Variants in LPL observed in about 807,000 individuals in gnomAD.
The protein encoded by LPL is lipoprotein lipase, also known as phospholipase A1.
LPL carries 43 observed loss-of-function variants against 52.2 expected under a neutral mutation model. The observed-to-expected ratio is 0.82, with a 90% CI of 0.64 to 1.06. The LOEUF (loss-of-function observed/expected upper bound fraction) is 1.06. LPL is among the 50% of genes least tolerant of loss of function. The pLI is 0.00. For synonymous variants in LPL, 244 were observed against 215.6 expected (o/e 1.13, Z -1.15); for missense variants, 639 against 585.3 (o/e 1.09, Z -0.95).
rs559582086 is a variant in LPL, at chr8:19,961,989, G to A, written c.1323-126G>A. 45 of 732,112 alleles carry A rather than the reference G, an allele frequency of 6.1e-5. No homozygotes were observed. In the African/African-American group the frequency reaches 6.5e-4, roughly 11 times the overall value. 45.4% of individuals were successfully genotyped at this position (732,112 alleles called of 1,614,324 possible). A position where few individuals can be genotyped will look rare whatever the true frequency, so the allele number is the denominator to read the frequency against. On this transcript the variant is annotated intron_variant, in intron 8 of 9. Coordinates refer to ENST00000650287, the MANE Select transcript of LPL (RefSeq NM_000237.3). ...GGCCTGAGTGTGACAGTTAATTATT[G>A]GGAATATCAAAACAATTACCCAGCA...
Position 19,967,107 on chromosome 8 carries a change from G to A in LPL, c.*1797G>A, listed in dbSNP as rs552256660. 2 of 149,866 alleles carry A rather than the reference G, an allele frequency of 1.3e-5. No individual in the cohort carries two copies. Among genetic ancestry groups the A allele is most frequent in the East Asian group, 3.9e-4 (2 of 5,118 alleles). The allele number at this position is 149,866 out of a possible 1,614,324, so 9.3% of individuals were successfully genotyped here. A position where few individuals can be genotyped will look rare whatever the true frequency, so the allele number is the denominator to read the frequency against. On this transcript the variant is annotated 3_prime_UTR_variant, in exon 10 of 10. Transcript: ENST00000650287. ...TGGCTATCTGCATTTATAAATGTGT[G>A]GTGCTAACTGTATGTGTCTTTATCA...
At position 19,962,237 on chromosome 8, in the gene LPL, A is replaced by C. The variant is rs1388207914; in HGVS notation, c.1427+18A>C. ...TCAGGCTGGTGAGCATTCTGGGCTAAAGCTGACTGGGCATCCTGAGCTTGC... is the reference window on the plus strand; with the variant it reads ...TCAGGCTGGTGAGCATTCTGGGCTACAGCTGACTGGGCATCCTGAGCTTGC... On this transcript the variant is annotated intron_variant, in intron 9 of 9. Coordinates refer to ENST00000650287, the MANE Select transcript of LPL (RefSeq NM_000237.3). 1.3e-6 allele frequency: 2 copies of C among 1,598,236 alleles called. No homozygotes were observed. The highest frequency in any genetic ancestry group is 1.7e-6 in the Non-Finnish European group (2 of 1,165,756).
At chr8:19,943,561 T>C (rs906561911) in intron 1 of LPL, among the ~76,000 whole-genome samples, 1 of 152,224 alleles carries the variant, frequency 6.6e-6, no homozygotes, top group Non-Finnish European at 1.5e-5. Flanking sequence ...TTTGCCATCC[T>C]CAGCAACAAG....
At chr8:19,960,405 T>C (rs952636679) in intron 7 of LPL, among the ~76,000 whole-genome samples, 2 of 152,178 alleles carry the variant, frequency 1.3e-5, no homozygotes, top group Admixed American at 6.5e-5. Context: ...AGAAACCCAG[T>C]ATCCAACATT....
In LPL at chr8:19,959,392, A is replaced by G. The variant is rs774985813; in HGVS notation, c.1139+12A>G. On this transcript the variant is annotated intron_variant, in intron 7 of 9. Transcript: ENST00000650287. ...ATCCCATTCACTCTGTGAGTAGCAC[A>G]GGGGGGCGGTCATCATGGCACCAGT... 1.2e-6 allele frequency: 2 copies of G among 1,613,730 alleles called. No homozygotes were observed. The highest frequency in any genetic ancestry group is 2.2e-5 in the East Asian group (1 of 44,888).
At chr8:19,953,998 T>C (rs1590143031) in intron 4 of LPL, 122 bp from the exon 5 acceptor site, 1 of 757,200 alleles carries the variant, frequency 1.3e-6, no homozygotes, top group East Asian at 2.6e-5. Flanking sequence ...ACCATGACTG[T>C]AGAATAGGAG....
At chr8:19,948,366 T>A (rs768071367) in intron 2 of LPL, 26 bp downstream of exon 2, 2 of 1,612,548 alleles carry the variant, frequency 1.2e-6, no homozygotes, top group Non-Finnish European at 1.7e-6. Context: ...TGGGGAAGAG[T>A]GGATTGGGGT....
chr8:19,955,460 G>T (rs1194067938), intron 5 of LPL, among the ~76,000 whole-genome samples: 1 of 152,144 alleles, frequency 6.6e-6, no homozygotes, highest in African/African-American at 2.4e-5. Context: ...AGAATTTATT[G>T]TAAGGCAAGG....
chr8:19,956,087 G>C lies in LPL; in HGVS notation c.1018+4G>C, dbSNP rs1430334063. ...CGTTCTCAGATGCCCTACAAAGGTAGGCTGGAGACTGTTGTAAATAAGGAA... is the reference window on the plus strand; with the variant it reads ...CGTTCTCAGATGCCCTACAAAGGTACGCTGGAGACTGTTGTAAATAAGGAA... On this transcript the variant is annotated splice_donor_region_variant and intron_variant, in intron 6 of 9. Coordinates refer to ENST00000650287, the MANE Select transcript of LPL (RefSeq NM_000237.3). 12 of 1,614,080 alleles carry C rather than the reference G, an allele frequency of 7.4e-6. No individual in the cohort carries two copies.
At chr8:19,956,675 C>A (rs1489050425) in intron 6 of LPL, among the ~76,000 whole-genome samples, 1 of 152,122 alleles carries the variant, frequency 6.6e-6, no homozygotes, top group Non-Finnish European at 1.5e-5. Context: ...TTTATTAGGA[C>A]ACAGCCACAC....
At chr8:19,962,929 G>C (rs893186221) in intron 9 of LPL, among the ~76,000 whole-genome samples, 1 of 152,150 alleles carries the variant, frequency 6.6e-6, no homozygotes, top group African/African-American at 2.4e-5. Flanking sequence ...CACTACTCCT[G>C]TTCTGAATTC....
At position 19,951,914 on chromosome 8, in the gene LPL, G is replaced by T. The variant is rs770817727; in HGVS notation, c.395G>T (p.Gly132Val). ...TCCGCGGGCTACACCAAACTGGTGGGACAGGATGTGGCCCGGTTTATCAAC... is the reference window on the plus strand; with the variant it reads ...TCCGCGGGCTACACCAAACTGGTGGTACAGGATGTGGCCCGGTTTATCAAC... ...PVSAGYTKLV[G>V]QDVARFINWM... The change falls in exon 3 of 10, where the codon GGA (glycine) becomes GTA (valine). Residue 132 changes from glycine to valine, a missense_variant. Gly to Val is a moderately radical substitution (Grantham distance 109). Transcript: ENST00000650287. 6.2e-7 allele frequency: 1 copy of T among 1,614,196 alleles called. No individual in the cohort carries two copies. The highest frequency in any genetic ancestry group is 8.5e-7 in the Non-Finnish European group (1 of 1,180,036).
At chr8:19,964,589 G>A (rs2070069221) in intron 9 of LPL, among the ~76,000 whole-genome samples, 1 of 152,086 alleles carries the variant, frequency 6.6e-6, no homozygotes, top group Admixed American at 6.6e-5. Flanking sequence ...GAATGTGGTG[G>A]CGTGATCTCG....
intron 6 of LPL, among the ~76,000 whole-genome samples, chr8:19,957,988 T>TTTTC (rs1554517881): frequency 2.1e-5 from 3 of 140,808 alleles, no homozygotes; most frequent in Non-Finnish European, 3.1e-5. Context: ...CCAAGAATTA[T>TTTTC]TTTATTTATT....
intron 1 of LPL, among the ~76,000 whole-genome samples, chr8:19,945,939 G>A (rs2069878757): frequency 6.6e-6 from 1 of 152,216 alleles, no homozygotes. Flanking sequence ...GTGGAAAGGT[G>A]TGGGAGAGGG....
At chr8:19,947,440 G>A (rs1425772554) in intron 1 of LPL, among the ~76,000 whole-genome samples, 3 of 152,004 alleles carry the variant, frequency 2.0e-5, no homozygotes, top group Admixed American at 6.6e-5. Flanking sequence ...AGGAGATAGC[G>A]ACCACCCTGG....
Position 19,950,668 on chromosome 8 carries a change from G to A in LPL, c.250-1101G>A, listed in dbSNP as rs1446989233. On this transcript the variant is annotated intron_variant, in intron 2 of 9. Coordinates refer to ENST00000650287, the MANE Select transcript of LPL (RefSeq NM_000237.3). The surrounding 1 kb of genome is among the most constrained non-coding windows in gnomAD (Gnocchi z 4.2). ...AATACAAAAAAATTAGCCAGGTGTG[G>A]TGGTATGTGCTTGTAGTCCCAGCTA... Among the ~76,000 whole-genome samples, 1 of 152,198 alleles carries A rather than the reference G, an allele frequency of 6.6e-6. No homozygotes were observed. The highest frequency in any genetic ancestry group is 1.5e-5 in the Non-Finnish European group (1 of 68,036).
chr8:19,959,689 C>T (rs1472391946), intron 7 of LPL, among the ~76,000 whole-genome samples: 1 of 146,858 alleles, frequency 6.8e-6, no homozygotes, highest in East Asian at 2.0e-4. Context: ...AGAAAATGAG[C>T]AATGGTAACA....
rs535013176 is a variant in LPL, at chr8:19,940,853, G to A, written c.88+1325G>A. Among the ~76,000 whole-genome samples, 13 of 152,344 alleles carry A rather than the reference G, an allele frequency of 8.5e-5. 1 individual carries two copies. The South Asian group carries it at 2.5e-3, about 29-fold the overall frequency. On this transcript the variant is annotated intron_variant, in intron 1 of 9. Transcript: ENST00000650287. ...CCCATGTAGTCCCAGCACTTCGGGA[G>A]GCCGAGGCCGGAAGACAGCTTGAGC...
Sources: allele counts gnomAD v4.1 joint callset (sites outside exome capture counted in the v4.1 genomes callset), GRCh38; gene constraint gnomAD v4.1.1; non-coding constraint Gnocchi (gnomAD v3.1); transcripts MANE v1.5; gene names NCBI Gene and HGNC (gene_info 2026-07-23, HGNC 2026-07-21).